Variants in TEX14 observed in about 807,000 individuals in gnomAD.
The protein encoded by TEX14 is inactive serine/threonine-protein kinase TEX14.
In TEX14, 168 loss-of-function variants were observed where a neutral mutation model predicts 178.6. The observed-to-expected ratio is 0.94, with a 90% confidence interval of 0.83 to 1.07. The LOEUF is 1.07. TEX14 is among the 50% of genes least tolerant of loss of function. The probability of loss-of-function intolerance (pLI) is 0.00; values close to 1 mark genes in which losing one functional copy is unlikely to be tolerated. For missense variants in TEX14, 1,730 were observed against 1,753.6 expected, an observed-to-expected ratio of 0.99 and a Z score of 0.24; for synonymous variants, 626 against 634.1, an observed-to-expected ratio of 0.99 and a Z score of 0.19.
chr17:58,681,165 G>C (rs1453610155), intron 1 of TEX14, among the ~76,000 whole-genome samples: 1 of 152,180 alleles, frequency 6.6e-6, no homozygotes, highest in African/African-American at 2.4e-5. Context: ...GTACTCGGGA[G>C]GCTGAGACAG....
intron 9 of TEX14, 49 bp from the exon 10 acceptor site, chr17:58,611,388 T>G: frequency 1.5e-6 from 2 of 1,366,564 alleles, no homozygotes; most frequent in Non-Finnish European, 2.1e-6. Context: ...ACTGGGGCCC[T>G]GACACTGTAG....
chr17:58,637,724 G>A (rs1427079318), intron 2 of TEX14, among the ~76,000 whole-genome samples: 1 of 152,120 alleles, frequency 6.6e-6, no homozygotes. Flanking sequence ...TACAATAAAT[G>A]GGTAAACCTA....
chr17:58,615,458 A>G, intron 7 of TEX14, 113 bp from the exon 8 acceptor site: 1 of 716,818 alleles, frequency 1.4e-6, no homozygotes, highest in Non-Finnish European at 2.5e-6. Context: ...CAGAACCTGC[A>G]ATGCCCACTG....
rs944140843 is a variant in TEX14 at position 58,585,988 on chromosome 17, A to T, written c.2883T>A (p.Ala961=). The T allele has an allele frequency of 7.4e-6, 12 of 1,614,020 alleles. No individual in the cohort carries two copies. Among genetic ancestry groups the T allele is most frequent in the Non-Finnish European group, 1.0e-5 (12 of 1,180,012 alleles). Residue 961 remains alanine (A), a synonymous_variant, in exon 18 of 32, where the codon GCT becomes GCA. Transcript: ENST00000349033. The part of the protein sequence containing the change: ...PQSSLTLESE[A]ENEPDALLQP... ...GCAGCAGGGCGTCGGGCTCATTTTC[A>T]GCCTCGCTCTCTAAAGTCAGACTAC...
intron 3 of TEX14, among the ~76,000 whole-genome samples, chr17:58,626,492 C>G (rs1041255744): frequency 9.5e-5 from 14 of 146,708 alleles, no homozygotes; most frequent in African/African-American, 3.6e-4. Flanking sequence ...ATTGCTGGAA[C>G]CCTGTAGGCA....
intron 19 of TEX14, among the ~76,000 whole-genome samples, chr17:58,580,578 G>A (rs1041116418): frequency 2.0e-5 from 3 of 152,048 alleles, no homozygotes; most frequent in African/African-American, 7.2e-5. Flanking sequence ...CCCAAGTGCT[G>A]GGATTACAGG....
At chr17:58,629,070 G>A (rs2046218804) in intron 3 of TEX14, among the ~76,000 whole-genome samples, 1 of 152,124 alleles carries the variant, frequency 6.6e-6, no homozygotes, top group African/African-American at 2.4e-5. Context: ...AATGGGAACT[G>A]AAAAATATCC....
intron 8 of TEX14, among the ~76,000 whole-genome samples, chr17:58,615,027 T>C (rs1228720287): frequency 1.3e-5 from 2 of 152,182 alleles, no homozygotes; most frequent in South Asian, 4.1e-4. Context: ...TCACCACCAC[T>C]GTCCCCACTG....
chr17:58,558,891 C>T lies in TEX14; in HGVS notation c.4267+562G>A, dbSNP rs951827302. Among the ~76,000 whole-genome samples, 7 of 152,178 alleles carry T rather than the reference C, an allele frequency of 4.6e-5. No homozygotes were observed. In the East Asian group the frequency reaches 1.2e-3, roughly 25 times the overall value. ...GGACAATTAGAAGCAAAACATCGGC[C>T]GGGTACAGTGGCTCACACCTGTAAT... is the stretch of plus-strand genomic sequence containing the variant. On this transcript the variant is annotated intron_variant, in intron 30 of 31. Transcript: ENST00000349033.
rs560465562 is a variant in TEX14 at position 58,650,221 on chromosome 17, C to T, written c.136+1645G>A. ...TACAGGCGCCTGCCACCACACCCGG[C>T]TAATTATTTTTAGTAGAGACGGGGT... On this transcript the variant is annotated intron_variant, in intron 2 of 31. Coordinates refer to ENST00000349033, the MANE Select transcript of TEX14 (RefSeq NM_031272.5). Among the ~76,000 whole-genome samples the T allele has an allele frequency of 2.7e-5, 4 of 149,176 alleles. No individual in the cohort carries two copies. The Admixed American group carries it at 2.7e-4, about 10-fold the overall frequency.
intron 1 of TEX14, among the ~76,000 whole-genome samples, chr17:58,666,337 G>C (rs953790890): frequency 4.0e-5 from 6 of 151,630 alleles, no homozygotes; most frequent in East Asian, 1.9e-4. Context: ...AATAGAGCAA[G>C]ACTGTGTCCC....
chr17:58,659,235 T>TCCCAATCACAA (rs57065505), intron 1 of TEX14: 2 of 493,450 alleles, frequency 4.1e-6, no homozygotes, highest in Non-Finnish European at 5.3e-6. Context: ...AGCAAACACA[T>TCCCAATCACAA]AGTAAAAACC....
rs1302533118 is a variant in TEX14 at position 58,691,992 on chromosome 17, A to T, written c.-55T>A. On this transcript the variant is annotated 5_prime_UTR_variant, in exon 1 of 32. Transcript: ENST00000349033. ...GCCATGAAGAAATAACGGTCTCAGT[A>T]ACCTCCATGCTCGGGATACGACTCC... 6.5e-6 allele frequency: 1 copy of T among 153,432 alleles called. No individual in the cohort carries two copies. Among genetic ancestry groups the T allele is most frequent in the Non-Finnish European group, 1.4e-5 (1 of 68,988 alleles). The allele number at this position is 153,432 out of a possible 1,614,324, so 9.5% of individuals were successfully genotyped here. A position where few individuals can be genotyped will look rare whatever the true frequency, so the allele number is the denominator to read the frequency against.
At chr17:58,596,246 A>C (rs370487107) in intron 14 of TEX14, among the ~76,000 whole-genome samples, 24 of 152,190 alleles carry the variant, frequency 1.6e-4, no homozygotes, top group African/African-American at 5.8e-4. Flanking sequence ...TTTTCTATGG[A>C]AACAGAAATA....
intron 11 of TEX14, 92 bp from the exon 12 acceptor site, chr17:58,602,682 G>C (rs990588609): frequency 1.1e-6 from 1 of 950,408 alleles, no homozygotes; most frequent in East Asian, 2.5e-5. Flanking sequence ...GTAACCTTAG[G>C]CAAGTCACTT....
chr17:58,571,836 G>T, intron 24 of TEX14, 85 bp downstream of exon 24: 1 of 1,201,722 alleles, frequency 8.3e-7, no homozygotes, highest in Non-Finnish European at 1.2e-6. Context: ...CTTTCTTAAT[G>T]AATTTGGAGA....
intron 31 of TEX14, 80 bp from the exon 32 acceptor site, chr17:58,557,127 T>C: frequency 8.9e-7 from 1 of 1,121,464 alleles, no homozygotes; most frequent in East Asian, 2.3e-5. Context: ...AACCACATCC[T>C]CTTTCTATTC....
chr17:58,674,209 G>A (rs900037265), intron 1 of TEX14, among the ~76,000 whole-genome samples: 87 of 151,962 alleles, frequency 5.7e-4, no homozygotes, highest in Middle Eastern at 3.4e-3. Context: ...CAGGGAGGTG[G>A]AGGTTGCAGT....
At chr17:58,603,781 G>A (rs1471949688) in intron 11 of TEX14, among the ~76,000 whole-genome samples, 1 of 151,276 alleles carries the variant, frequency 6.6e-6, no homozygotes, top group African/African-American at 2.4e-5. Flanking sequence ...TTGAACCCGG[G>A]AGGCAGAAGT....
Sources: gnomAD v4.1 joint callset for allele counts (sites outside exome capture counted in the v4.1 genomes callset) on GRCh38, gnomAD v4.1.1 for gene constraint, MANE v1.5 for transcripts, NCBI Gene and HGNC (gene_info 2026-07-23, HGNC 2026-07-21) for gene names.